Variants in TRAPPC12 observed in about 807,000 individuals in gnomAD.
The protein encoded by TRAPPC12 is trafficking protein particle complex subunit 12, also known as TPR repeat protein 15.
Under a neutral mutation model 69.2 loss-of-function variants are expected in TRAPPC12, and 61 were observed. The ratio of observed to expected loss-of-function variants is 0.88; its 90% CI spans 0.72 to 1.09. The LOEUF (loss-of-function observed/expected upper bound fraction) is 1.09, where lower values mean the gene tolerates loss of function less well. Ranked by LOEUF, TRAPPC12 falls within the 50% of genes least tolerant of loss-of-function variation. TRAPPC12 has a pLI of 0.00. For synonymous variants in TRAPPC12, 469 were observed against 438.9 expected, an observed-to-expected ratio of 1.07 and a Z score of -0.86; for missense variants, 1,101 against 1,016.4, an observed-to-expected ratio of 1.08 and a Z score of -1.13.
chr2:3,479,070 A>C, intron 11 of TRAPPC12, 137 bp downstream of exon 11: 1 of 1,485,912 alleles, frequency 6.7e-7, no homozygotes, highest in Non-Finnish European at 9.1e-7. Flanking sequence ...TGTGGCCCTT[A>C]GGGGAAGTGA....
chr2:3,394,296 A>G (rs1474894389), intron 2 of TRAPPC12, among the ~76,000 whole-genome samples: 2 of 152,186 alleles, frequency 1.3e-5, no homozygotes. Flanking sequence ...GTAGGCGACC[A>G]TGTGCTCAGG....
At chr2:3,410,066 T>C (rs1039153744) in intron 3 of TRAPPC12, among the ~76,000 whole-genome samples, 7 of 152,252 alleles carry the variant, frequency 4.6e-5, no homozygotes, top group Non-Finnish European at 4.4e-5. Flanking sequence ...TTTTGTGTTA[T>C]CGTCTCAGGG....
chr2:3,435,427 T>G (rs890269805), intron 5 of TRAPPC12, among the ~76,000 whole-genome samples: 6 of 152,312 alleles, frequency 3.9e-5, no homozygotes, highest in Admixed American at 6.5e-5. Context: ...TTTTGCTACA[T>G]TAGCGCTAGT....
chr2:3,379,890 C>G lies in TRAPPC12; in HGVS notation c.-5+14C>G, dbSNP rs1660122577. ...GGCGGGTGGCAGGTGAGGATCAGGGCCTCGGCAGTCCAGAGGGGATGGGAC... is the reference window on the plus strand; with the variant it reads ...GGCGGGTGGCAGGTGAGGATCAGGGGCTCGGCAGTCCAGAGGGGATGGGAC... On this transcript the variant is annotated intron_variant, in intron 1 of 11. Coordinates refer to ENST00000324266, the MANE Select transcript of TRAPPC12 (RefSeq NM_016030.6). The G allele has an allele frequency of 6.6e-6, 1 of 152,538 alleles. No individual in the cohort carries two copies. Among genetic ancestry groups the G allele is most frequent in the Non-Finnish European group, 1.5e-5 (1 of 68,282 alleles). The allele number at this position is 152,538 out of a possible 1,614,324, so 9.4% of individuals were successfully genotyped here.
intron 5 of TRAPPC12, among the ~76,000 whole-genome samples, chr2:3,432,542 G>C (rs563392857): frequency 2.0e-4 from 30 of 152,062 alleles, no homozygotes; most frequent in Non-Finnish European, 4.1e-4. Context: ...TATTTTTCAT[G>C]ACAAAATTAC....
At chr2:3,447,517 CCAAGGTAA>C (rs953988892) in intron 6 of TRAPPC12, among the ~76,000 whole-genome samples, 1 of 151,964 alleles carries the variant, frequency 6.6e-6, no homozygotes, top group African/African-American at 2.4e-5. Flanking sequence ...CAATCAGATC[CCAAGGTAA>C]CTAACAGAGC....
At chr2:3,418,986 G>C (rs113680786) in intron 3 of TRAPPC12, among the ~76,000 whole-genome samples, 31 of 151,936 alleles carry the variant, frequency 2.0e-4, no homozygotes, top group Admixed American at 1.7e-3. Context: ...GCCTCCCTCC[G>C]GCCCGCTGGT....
intron 1 of TRAPPC12, among the ~76,000 whole-genome samples, chr2:3,380,581 T>C (rs1351047773): frequency 2.0e-5 from 3 of 152,228 alleles, no homozygotes; most frequent in African/African-American, 7.2e-5. Flanking sequence ...ATATGGTGTC[T>C]TTGGATTCAG....
intron 8 of TRAPPC12, among the ~76,000 whole-genome samples, chr2:3,464,409 CT>C (rs1391746029): frequency 4.1e-5 from 6 of 146,930 alleles, no homozygotes; most frequent in Non-Finnish European, 9.0e-5. Context: ...TGGAATTGTA[CT>C]TGTCTGTCTT....
chr2:3,428,826 G>T (rs756391485), intron 5 of TRAPPC12, among the ~76,000 whole-genome samples: 1 of 152,194 alleles, frequency 6.6e-6, no homozygotes, highest in East Asian at 1.9e-4. Context: ...AGGTCTGTGC[G>T]GTTCTGGGTG....
chr2:3,450,975 C>G (rs1664819816), intron 6 of TRAPPC12, among the ~76,000 whole-genome samples: 2 of 152,120 alleles, frequency 1.3e-5, no homozygotes. Context: ...TGTCAGTGAC[C>G]CAGCCAGAAA....
intron 3 of TRAPPC12, among the ~76,000 whole-genome samples, chr2:3,412,653 G>T (rs1185081560): frequency 6.6e-6 from 1 of 152,178 alleles, no homozygotes; most frequent in Non-Finnish European, 1.5e-5. Flanking sequence ...TGGAGCAGGG[G>T]CGTGTGAGGG....
At chr2:3,395,911 G>A (rs62120475) in intron 2 of TRAPPC12, among the ~76,000 whole-genome samples, 24,367 of 152,062 alleles carry the variant, frequency 0.16, 2,257 homozygotes, top group Non-Finnish European at 0.21. Flanking sequence ...TGTAATTTTA[G>A]TAGACACGTG....
chr2:3,394,658 G>A (rs1289675557), intron 2 of TRAPPC12, among the ~76,000 whole-genome samples: 1 of 152,002 alleles, frequency 6.6e-6, no homozygotes, highest in African/African-American at 2.4e-5. Flanking sequence ...TCAGAGATTG[G>A]TGGATGGCTG....
chr2:3,417,622 C>T (rs1662495918), intron 3 of TRAPPC12, among the ~76,000 whole-genome samples: 1 of 152,168 alleles, frequency 6.6e-6, no homozygotes, highest in Admixed American at 6.5e-5. Flanking sequence ...GCCTGGTTCA[C>T]AGCAGGCAGT....
intron 3 of TRAPPC12, among the ~76,000 whole-genome samples, chr2:3,415,724 T>TC (rs1246468464): frequency 6.7e-6 from 1 of 149,666 alleles, no homozygotes; most frequent in Non-Finnish European, 1.5e-5. Flanking sequence ...TCTTTTCTTT[T>TC]TTTTTTTTTT....
Position 3,388,468 on chromosome 2 carries a change from A to G in TRAPPC12, c.845A>G (p.His282Arg). Reference sequence around the variant, plus strand: ...CCGGCGTCGCCAGAGCCTTTCGCGCACATCCAGGCAGTGTTTGCAGGGAGT... The same window carrying G: ...CCGGCGTCGCCAGAGCCTTTCGCGCGCATCCAGGCAGTGTTTGCAGGGAGT... ...APPASPEPFA[H>R]IQAVFAGSDD... Residue 282 changes from histidine (H) to arginine (R), a missense_variant, in exon 2 of 12, where the codon CAC (histidine) becomes CGC (arginine). His to Arg is a conservative substitution (Grantham distance 29). Coordinates refer to ENST00000324266, the MANE Select transcript of TRAPPC12 (RefSeq NM_016030.6). 2 of 1,612,256 alleles carry G rather than the reference A, an allele frequency of 1.2e-6. No individual in the cohort carries two copies. The highest frequency in any genetic ancestry group is 1.7e-6 in the Non-Finnish European group (2 of 1,179,504).
intron 5 of TRAPPC12, among the ~76,000 whole-genome samples, chr2:3,433,142 C>T (rs1421198522): frequency 6.6e-6 from 1 of 152,142 alleles, no homozygotes; most frequent in Non-Finnish European, 1.5e-5. Flanking sequence ...CGGGCACAGA[C>T]ACCAAGCAGT....
At chr2:3,465,575 C>T (rs369571439) in intron 8 of TRAPPC12, 22 bp from the exon 9 acceptor site, 42 of 1,552,208 alleles carry the variant, frequency 2.7e-5, no homozygotes, top group Admixed American at 6.7e-5. Context: ...CTCTAAAGTA[C>T]GTTGGGTTTT....
Sources: allele counts gnomAD v4.1 joint callset (sites outside exome capture counted in the v4.1 genomes callset), GRCh38; gene constraint gnomAD v4.1.1; transcripts MANE v1.5; gene names NCBI Gene and HGNC (gene_info 2026-07-23, HGNC 2026-07-21).